LURAP1L: variants seen among roughly 807,000 people sequenced by gnomAD.
The protein encoded by LURAP1L is leucine rich adaptor protein 1 like, also known as leucine rich adaptor protein 1-like.
In LURAP1L, 12 loss-of-function variants were observed where a neutral mutation model predicts 13.8. That is an observed-to-expected ratio of 0.87 (90% CI 0.56 to 1.41). LURAP1L has a LOEUF of 1.41. Among genes scored for constraint, LURAP1L ranks in the 40% most tolerant of loss-of-function variants. The probability of loss-of-function intolerance (pLI) is 0.00; values close to 1 mark genes in which losing one functional copy is unlikely to be tolerated. For synonymous variants in LURAP1L, 139 were observed against 119.2 expected (o/e 1.17, Z -1.08); for missense variants, 375 against 292.9 (o/e 1.28, Z -2.04).
At chr9:12,788,849 G>C (rs78262974) in intron 1 of LURAP1L, among the ~76,000 whole-genome samples, 7,835 of 151,250 alleles carry the variant, frequency 0.052, 713 homozygotes, top group African/African-American at 0.18. Flanking sequence ...CTATTTTGAG[G>C]TCAGGAGTTC....
At chr9:12,795,073 A>G (rs1264599000) in intron 1 of LURAP1L, among the ~76,000 whole-genome samples, 1 of 152,010 alleles carries the variant, frequency 6.6e-6, no homozygotes, top group African/African-American at 2.4e-5. Flanking sequence ...ATTTAATGCT[A>G]TGCTGGGGAA....
At chr9:12,790,792 T>A (rs1319260693) in intron 1 of LURAP1L, 3 of 151,962 alleles carry the variant, frequency 2.0e-5, no homozygotes, top group Non-Finnish European at 2.9e-5. Flanking sequence ...TATGTACATG[T>A]TAGTTTTTGG....
At chr9:12,780,003 C>T (rs949193548) in intron 1 of LURAP1L, among the ~76,000 whole-genome samples, 2 of 152,132 alleles carry the variant, frequency 1.3e-5, no homozygotes, top group Non-Finnish European at 2.9e-5. Context: ...CAAGAACTGC[C>T]ATGAGCAGTT....
chr9:12,797,178 A>G (rs1819521592), intron 1 of LURAP1L, among the ~76,000 whole-genome samples: 1 of 152,014 alleles, frequency 6.6e-6, no homozygotes, highest in East Asian at 1.9e-4. Context: ...GACTCTTGCT[A>G]TTTCTGTGAT....
At position 12,775,555 on chromosome 9, in the gene LURAP1L, G is replaced by A; in HGVS notation, c.-161G>A. 8.2e-7 allele frequency: 1 copy of A among 1,215,356 alleles called. No individual in the cohort carries two copies. Among genetic ancestry groups the A allele is most frequent in the Non-Finnish European group, 1.1e-6 (1 of 915,358 alleles). 75.3% of individuals were successfully genotyped at this position (1,215,356 alleles called of 1,614,324 possible). ...CGCGTCCTGTGCGGATTTCAGGGCT[G>A]ATACCGCATAGGCGGTTATGGAAAG... On this transcript the variant is annotated 5_prime_UTR_variant, in exon 1 of 2. Coordinates refer to ENST00000319264, the MANE Select transcript of LURAP1L (RefSeq NM_203403.2).
intron 1 of LURAP1L, among the ~76,000 whole-genome samples, chr9:12,810,228 G>A (rs146504950): frequency 6.6e-5 from 10 of 152,298 alleles, no homozygotes; most frequent in Non-Finnish European, 1.2e-4. Flanking sequence ...GGGTGCCCCT[G>A]AGACTGGGTC....
chr9:12,821,812 T>G lies in LURAP1L; in HGVS notation c.*52T>G. 6.5e-7 allele frequency: 1 copy of G among 1,541,456 alleles called. No individual in the cohort carries two copies. Among genetic ancestry groups the G allele is most frequent in the South Asian group, 1.2e-5 (1 of 81,476 alleles). The stretch of plus-strand genomic sequence containing the variant: ...TGCAATGAACTTGTATTTATCCTTC[T>G]TCTCCGCTGCTATATTTTTGGTGTG... On this transcript the variant is annotated 3_prime_UTR_variant, in exon 2 of 2. Transcript: ENST00000319264.
intron 1 of LURAP1L, among the ~76,000 whole-genome samples, chr9:12,802,056 A>C (rs1819593108): frequency 6.6e-6 from 1 of 152,206 alleles, no homozygotes; most frequent in Admixed American, 6.5e-5. Context: ...TCCATTCCAG[A>C]AGGAGATATA....
At chr9:12,793,560 T>A (rs1454019393) in intron 1 of LURAP1L, among the ~76,000 whole-genome samples, 1 of 152,086 alleles carries the variant, frequency 6.6e-6, no homozygotes, top group East Asian at 1.9e-4. Flanking sequence ...TATAAGAGAC[T>A]AATTTTGTAA....
At chr9:12,783,414 A>G (rs1819302548) in intron 1 of LURAP1L, among the ~76,000 whole-genome samples, 1 of 152,134 alleles carries the variant, frequency 6.6e-6, no homozygotes, top group African/African-American at 2.4e-5. Context: ...TATCATAAAG[A>G]GATGCCAAAT....
chr9:12,794,209 T>G (rs751143428), intron 1 of LURAP1L, among the ~76,000 whole-genome samples: 2 of 151,996 alleles, frequency 1.3e-5, no homozygotes. Flanking sequence ...ACAGAGAAAA[T>G]GTATTTCCAT....
intron 1 of LURAP1L, chr9:12,790,547 C>T (rs1316516337): frequency 6.6e-6 from 1 of 151,688 alleles, no homozygotes; most frequent in Admixed American, 6.6e-5. Context: ...AAATATATTT[C>T]CCCTGTCTAT....
intron 1 of LURAP1L, among the ~76,000 whole-genome samples, chr9:12,817,480 C>A (rs1819819477): frequency 6.6e-6 from 1 of 152,062 alleles, no homozygotes; most frequent in African/African-American, 2.4e-5. Context: ...ATGATTTCAA[C>A]TAGTCATAAA....
intron 1 of LURAP1L, among the ~76,000 whole-genome samples, chr9:12,820,696 T>C (rs1443331846): frequency 6.6e-6 from 1 of 152,134 alleles, no homozygotes; most frequent in African/African-American, 2.4e-5. Flanking sequence ...TCACCCATCC[T>C]TTGGATTCAG....
At chr9:12,777,654 A>T in intron 1 of LURAP1L, 2 of 835,640 alleles carry the variant, frequency 2.4e-6, no homozygotes, top group South Asian at 1.1e-4. Context: ...GACACAATTT[A>T]GAGTATTTAT....
Position 12,818,235 on chromosome 9 carries a change from A to G in LURAP1L, c.313-3151A>G, listed in dbSNP as rs575473355. Among the ~76,000 whole-genome samples the G allele has an allele frequency of 5.3e-5, 8 of 152,242 alleles. No homozygotes were observed. The South Asian group carries it at 1.2e-3, about 24-fold the overall frequency. On this transcript the variant is annotated intron_variant, in intron 1 of 1. Transcript: ENST00000319264. ...ACTCCTCTTTTCTTCTTACTGCTTA[A>G]TAAAACTGAAAAACTTGTACTTGAT... is the stretch of plus-strand genomic sequence containing the variant.
At chr9:12,807,753 TCTTA>T (rs760088037) in intron 1 of LURAP1L, among the ~76,000 whole-genome samples, 1 of 148,996 alleles carries the variant, frequency 6.7e-6, no homozygotes, top group Non-Finnish European at 1.5e-5. Context: ...GCTCATTCAT[TCTTA>T]CTTTTTTCTT....
At position 12,821,704 on chromosome 9, in the gene LURAP1L, T is replaced by G; in HGVS notation, c.631T>G (p.Ser211Ala). 2 of 1,614,188 alleles carry G rather than the reference T, an allele frequency of 1.2e-6. No homozygotes were observed. Among genetic ancestry groups the G allele is most frequent in the Non-Finnish European group, 1.7e-6 (2 of 1,180,028 alleles). The change falls in exon 2 of 2, where the codon TCA becomes GCA. Residue 211 changes from serine (S) to alanine (A), a missense_variant. By Grantham distance (99) the Ser-to-Ala change is moderately conservative (BLOSUM62 1). Coordinates refer to ENST00000319264, the MANE Select transcript of LURAP1L (RefSeq NM_203403.2). The part of the protein sequence containing the change: ...QFSDSSLIED[S>A]QALHKRPKLD... ...CAGTGACAGCTCCCTCATAGAGGAC[T>G]CACAGGCACTACACAAGCGTCCTAA...
In LURAP1L at chr9:12,778,766, G is replaced by T. The variant is rs1364600918; in HGVS notation, c.312+2739G>T. Reference sequence around the variant, plus strand: ...TTAACTTTTATTAAACACATGCTATGTGCTAAGCATGCTGCTGATTGAAGT... The same window carrying T: ...TTAACTTTTATTAAACACATGCTATTTGCTAAGCATGCTGCTGATTGAAGT... On this transcript the variant is annotated intron_variant, in intron 1 of 1. Transcript: ENST00000319264. Among the ~76,000 whole-genome samples the T allele has an allele frequency of 2.6e-5, 4 of 152,208 alleles. 1 individual carries two copies. In the South Asian group the frequency reaches 8.3e-4, roughly 31 times the overall value.
Sources: allele counts gnomAD v4.1 joint callset (sites outside exome capture counted in the v4.1 genomes callset), GRCh38; gene constraint gnomAD v4.1.1; transcripts MANE v1.5; gene names NCBI Gene and HGNC (gene_info 2026-07-23, HGNC 2026-07-21).